CNTNAP2: variants seen among roughly 807,000 people sequenced by gnomAD.
The protein encoded by CNTNAP2 is contactin-associated protein-like 2.
A neutral mutation model predicts 155.2 loss-of-function variants in CNTNAP2; 98 were observed. The observed-to-expected ratio is 0.63, with a 90% confidence interval of 0.54 to 0.75. The LOEUF (loss-of-function observed/expected upper bound fraction) is 0.75, where lower values mean the gene tolerates loss of function less well. CNTNAP2 is among the 30% of genes least tolerant of loss of function. CNTNAP2 has a pLI of 0.00. For missense variants in CNTNAP2, 1,727 were observed against 1,688.1 expected (o/e 1.02, Z -0.40); for synonymous variants, 651 against 631.2 (o/e 1.03, Z -0.47).
chr7:147,296,467 A>G (rs549761509), intron 8 of CNTNAP2, among the ~76,000 whole-genome samples: 1 of 152,328 alleles, frequency 6.6e-6, no homozygotes, highest in South Asian at 2.1e-4. Context: ...TTTATAGTAC[A>G]AGAGATTGTA....
At chr7:146,367,176 A>G (rs1795167817) in intron 1 of CNTNAP2, among the ~76,000 whole-genome samples, 1 of 152,144 alleles carries the variant, frequency 6.6e-6, no homozygotes, top group Admixed American at 6.5e-5. Flanking sequence ...GGATGCTCAC[A>G]TTTATGGAAA....
rs111334523 is a variant in CNTNAP2 at position 146,773,328 on chromosome 7, A to G, written c.98-943A>G. On this transcript the variant is annotated intron_variant, in intron 1 of 23. Coordinates refer to ENST00000361727, the MANE Select transcript of CNTNAP2 (RefSeq NM_014141.6). ...TGGTTGAGCATGATGGGAACTGATT[A>G]ATTTTTCTGTCAGTAATAATTTTCA... Among the ~76,000 whole-genome samples the G allele has an allele frequency of 6.9e-3, 1,049 of 152,294 alleles. 12 individuals carry two copies. Among genetic ancestry groups the G allele is most frequent in the African/African-American group, 0.024 (994 of 41,578 alleles).
chr7:146,763,036 A>G (rs936078080), intron 1 of CNTNAP2, among the ~76,000 whole-genome samples: 20 of 152,058 alleles, frequency 1.3e-4, no homozygotes, highest in African/African-American at 4.6e-4. Flanking sequence ...TATGGGAGCT[A>G]CAATTCAGAT....
intron 13 of CNTNAP2, among the ~76,000 whole-genome samples, chr7:147,723,537 T>C (rs1282877816): frequency 6.6e-6 from 1 of 151,990 alleles, no homozygotes; most frequent in East Asian, 1.9e-4. Flanking sequence ...TGCAGACTGA[T>C]AGACTTTTTG....
intron 8 of CNTNAP2, among the ~76,000 whole-genome samples, chr7:147,221,793 T>A (rs145132853): frequency 2.6e-5 from 4 of 152,340 alleles, no homozygotes; most frequent in African/African-American, 9.6e-5. Context: ...CCCTTAATTT[T>A]TTTCTTTGGC....
intron 8 of CNTNAP2, among the ~76,000 whole-genome samples, chr7:147,184,463 C>T (rs1802524800): frequency 6.6e-6 from 1 of 152,118 alleles, no homozygotes; most frequent in Admixed American, 6.5e-5. Flanking sequence ...TACTTATATA[C>T]TCTTACAGAC....
chr7:146,824,862 G>T (rs201541297), intron 2 of CNTNAP2, among the ~76,000 whole-genome samples: 33 of 143,668 alleles, frequency 2.3e-4, no homozygotes, highest in African/African-American at 6.9e-4. Context: ...TTTTGGACCT[G>T]TTTTTTTTTT....
At chr7:147,306,514 TAA>T (rs1795029283) in intron 9 of CNTNAP2, among the ~76,000 whole-genome samples, 1 of 152,158 alleles carries the variant, frequency 6.6e-6, no homozygotes, top group African/African-American at 2.4e-5. Flanking sequence ...TCCATATGCA[TAA>T]GAGAGAGAAC....
intron 3 of CNTNAP2, among the ~76,000 whole-genome samples, chr7:146,912,292 A>G (rs1419389222): frequency 6.6e-6 from 1 of 150,524 alleles, no homozygotes; most frequent in Admixed American, 6.7e-5. Flanking sequence ...GCTTTTGACA[A>G]TGTAATTCTG....
intron 15 of CNTNAP2, among the ~76,000 whole-genome samples, chr7:148,106,065 G>T (rs1804210539): frequency 6.6e-6 from 1 of 152,192 alleles, no homozygotes; most frequent in Non-Finnish European, 1.5e-5. Context: ...TATTTAGAAG[G>T]TGTGGCTATC....
intron 13 of CNTNAP2, among the ~76,000 whole-genome samples, chr7:147,689,517 T>A (rs1796059346): frequency 1.3e-5 from 2 of 152,224 alleles, no homozygotes; most frequent in Non-Finnish European, 2.9e-5. Flanking sequence ...TATCACGTTA[T>A]TCTCTTTACA....
intron 21 of CNTNAP2, among the ~76,000 whole-genome samples, chr7:148,292,813 C>T (rs981862331): frequency 2.0e-5 from 3 of 152,238 alleles, no homozygotes; most frequent in South Asian, 2.1e-4. Context: ...TCCATCCCCT[C>T]CACCCCAACA....
At chr7:146,476,547 A>G (rs564044743) in intron 1 of CNTNAP2, among the ~76,000 whole-genome samples, 4 of 152,256 alleles carry the variant, frequency 2.6e-5, no homozygotes, top group South Asian at 4.1e-4. Context: ...ATTTTGTGCT[A>G]TGAATTGAAC....
At chr7:147,728,404 T>C (rs1364910694) in intron 13 of CNTNAP2, among the ~76,000 whole-genome samples, 1 of 152,078 alleles carries the variant, frequency 6.6e-6, no homozygotes, top group East Asian at 1.9e-4. Flanking sequence ...ATTTTTAAAC[T>C]GAATTCTTAA....
chr7:146,151,662 A>ATATATATATATG (rs1562968973), intron 1 of CNTNAP2, among the ~76,000 whole-genome samples: 21 of 43,702 alleles, frequency 4.8e-4, no homozygotes, highest in Non-Finnish European at 8.7e-4. Context: ...ATATATATAT[A>ATATATATATATG]TATATATATA....
At chr7:147,347,331 G>A (rs966136694) in intron 9 of CNTNAP2, among the ~76,000 whole-genome samples, 9 of 151,330 alleles carry the variant, frequency 5.9e-5, no homozygotes, top group Non-Finnish European at 7.4e-5. Flanking sequence ...AAGATAATGA[G>A]TGAAGAGTTG....
intron 13 of CNTNAP2, among the ~76,000 whole-genome samples, chr7:147,865,358 T>C (rs187743075): frequency 6.6e-6 from 1 of 152,322 alleles, no homozygotes; most frequent in African/African-American, 2.4e-5. Context: ...TCCCCATCGA[T>C]GCTTACCAGG....
intron 21 of CNTNAP2, among the ~76,000 whole-genome samples, chr7:148,380,643 T>TA (rs1175002589): frequency 1.3e-5 from 2 of 151,842 alleles, no homozygotes; most frequent in Admixed American, 6.6e-5. Flanking sequence ...TCTTTTTTTT[T>TA]TATATGAAAC....
intron 1 of CNTNAP2, among the ~76,000 whole-genome samples, chr7:146,640,221 T>C (rs1799681772): frequency 6.6e-6 from 1 of 152,268 alleles, no homozygotes; most frequent in African/African-American, 2.4e-5. Flanking sequence ...TTTCTTCTTT[T>C]GGAATATTTC....
Sources: allele counts gnomAD v4.1 joint callset (sites outside exome capture counted in the v4.1 genomes callset), GRCh38; gene constraint gnomAD v4.1.1; transcripts MANE v1.5; gene names NCBI Gene and HGNC (gene_info 2026-07-23, HGNC 2026-07-21).